Variants in AHCYL2 observed in about 807,000 individuals in gnomAD.
AHCYL2 encodes the protein adenosylhomocysteinase like 2, also known as S-adenosylhomocysteine hydrolase-like protein 2.
A neutral mutation model predicts 81.4 loss-of-function variants in AHCYL2; 28 were observed. The ratio of observed to expected loss-of-function variants is 0.34; its 90% CI spans 0.25 to 0.47. The LOEUF (loss-of-function observed/expected upper bound fraction) is 0.47. AHCYL2 is among the 20% of genes least tolerant of loss of function. The pLI is 1.00. For synonymous variants in AHCYL2, 272 were observed against 290.2 expected, an observed-to-expected ratio of 0.94 and a Z score of 0.64; for missense variants, 551 against 785.1, an observed-to-expected ratio of 0.70 and a Z score of 3.56.
At chr7:129,277,297 GAGA>G (rs1796254748) in intron 1 of AHCYL2, among the ~76,000 whole-genome samples, 1 of 81,494 alleles carries the variant, frequency 1.2e-5, no homozygotes, top group Non-Finnish European at 2.5e-5. Flanking sequence ...TTTTTTTTTT[GAGA>G]TAGAGTCTTG....
At chr7:129,344,226 A>G (rs1793284000) in intron 1 of AHCYL2, among the ~76,000 whole-genome samples, 1 of 152,154 alleles carries the variant, frequency 6.6e-6, no homozygotes, top group Admixed American at 6.5e-5. Context: ...TGACCCAGCA[A>G]TTTCACCCTT....
chr7:129,239,239 C>G (rs1239090928), intron 1 of AHCYL2, among the ~76,000 whole-genome samples: 1 of 152,104 alleles, frequency 6.6e-6, no homozygotes, highest in African/African-American at 2.4e-5. Flanking sequence ...TAGATCCTTG[C>G]TATTCAAACT....
intron 1 of AHCYL2, among the ~76,000 whole-genome samples, chr7:129,265,284 A>G (rs1380611191): frequency 6.6e-6 from 1 of 152,180 alleles, no homozygotes; most frequent in African/African-American, 2.4e-5. Flanking sequence ...GAAGGGGAAA[A>G]AGGCAAAAAG....
chr7:129,308,503 C>T (rs1797524079), intron 1 of AHCYL2, among the ~76,000 whole-genome samples: 1 of 152,178 alleles, frequency 6.6e-6, no homozygotes, highest in South Asian at 2.1e-4. Flanking sequence ...GTACCTCTTT[C>T]AGTGATATGT....
intron 1 of AHCYL2, among the ~76,000 whole-genome samples, chr7:129,300,435 G>A (rs1276045258): frequency 6.6e-6 from 1 of 152,028 alleles, no homozygotes; most frequent in East Asian, 1.9e-4. Context: ...TTAACATAAG[G>A]ATATCTACTT....
intron 4 of AHCYL2, among the ~76,000 whole-genome samples, chr7:129,396,358 C>T (rs1471038967): frequency 2.6e-5 from 4 of 152,062 alleles, no homozygotes; most frequent in Admixed American, 1.3e-4. Flanking sequence ...ATCTCCTGAC[C>T]TTGTGATCTG....
chr7:129,299,337 A>ATTCAG (rs1418852616), intron 1 of AHCYL2, among the ~76,000 whole-genome samples: 1 of 120,626 alleles, frequency 8.3e-6, no homozygotes, highest in Non-Finnish European at 1.7e-5. Flanking sequence ...AGTTTCAACT[A>ATTCAG]TTCAGGAGGC....
chr7:129,298,336 CTT>C (rs1797125859), intron 1 of AHCYL2, among the ~76,000 whole-genome samples: 1 of 152,164 alleles, frequency 6.6e-6, no homozygotes, highest in Admixed American at 6.5e-5. Context: ...GAGAAAATCA[CTT>C]TGTCTTATCT....
At chr7:129,295,571 C>T (rs1025224675) in intron 1 of AHCYL2, among the ~76,000 whole-genome samples, 4 of 152,162 alleles carry the variant, frequency 2.6e-5, no homozygotes, top group Non-Finnish European at 5.9e-5. Flanking sequence ...TGTTAGTGAG[C>T]TGACTCAAGT....
intron 1 of AHCYL2, among the ~76,000 whole-genome samples, chr7:129,247,047 C>T (rs1013052524): frequency 8.5e-5 from 13 of 152,104 alleles, no homozygotes; most frequent in Non-Finnish European, 1.6e-4. Context: ...AATCTTTTGG[C>T]AGACATATAT....
At chr7:129,342,977 C>T (rs1482022332) in intron 1 of AHCYL2, among the ~76,000 whole-genome samples, 1 of 152,076 alleles carries the variant, frequency 6.6e-6, no homozygotes, top group African/African-American at 2.4e-5. Context: ...TTTCTCTTTT[C>T]CTTTGGCCTC....
chr7:129,366,577 T>G, intron 1 of AHCYL2, among the ~76,000 whole-genome samples: 1 of 150,800 alleles, frequency 6.6e-6, no homozygotes, highest in South Asian at 2.1e-4. Context: ...AGGTCAGGAG[T>G]TTGAGACCAG....
rs917447376 is a variant in AHCYL2 at position 129,327,118 on chromosome 7, A to T, written c.364-52520A>T. On this transcript the variant is annotated intron_variant, in intron 1 of 16. Transcript: ENST00000325006. ...TGTTCCTCCCAAATTCATATGTTGA[A>T]GCCCTAATTCCCAGTGTGATGGTAT... Among the ~76,000 whole-genome samples, 5 of 152,196 alleles carry T rather than the reference A, an allele frequency of 3.3e-5. No individual in the cohort carries two copies. The South Asian group carries it at 1.0e-3, about 32-fold the overall frequency.
intron 1 of AHCYL2, among the ~76,000 whole-genome samples, chr7:129,344,180 AAC>A (rs1292273723): frequency 7.2e-5 from 11 of 152,168 alleles, no homozygotes; most frequent in African/African-American, 2.2e-4. Context: ...GCTGGTGTGA[AAC>A]AGTTTATTAT....
At chr7:129,259,904 C>T (rs1311327052) in intron 1 of AHCYL2, among the ~76,000 whole-genome samples, 1 of 152,096 alleles carries the variant, frequency 6.6e-6, no homozygotes, top group African/African-American at 2.4e-5. Context: ...TGGTGAAACC[C>T]TGTCTTTGCT....
intron 4 of AHCYL2, among the ~76,000 whole-genome samples, chr7:129,395,373 G>T (rs1320000680): frequency 6.6e-6 from 1 of 152,216 alleles, no homozygotes; most frequent in South Asian, 2.1e-4. Flanking sequence ...GCAGACCTCT[G>T]TGAGGGGCAG....
At chr7:129,379,243 G>A (rs979258320) in intron 1 of AHCYL2, among the ~76,000 whole-genome samples, 1 of 149,364 alleles carries the variant, frequency 6.7e-6, no homozygotes, top group African/African-American at 2.5e-5. Flanking sequence ...TCGTGCCACC[G>A]CACTGCAGCC....
chr7:129,245,080 A>C (rs1299883385), intron 1 of AHCYL2, among the ~76,000 whole-genome samples: 1 of 142,742 alleles, frequency 7.0e-6, no homozygotes, highest in African/African-American at 2.6e-5. Context: ...GCTGGAGTGC[A>C]GTGGCACAGT....
At chr7:129,390,733 CAA>C (rs1795427228) in intron 4 of AHCYL2, among the ~76,000 whole-genome samples, 2 of 152,126 alleles carry the variant, frequency 1.3e-5, no homozygotes, top group African/African-American at 2.4e-5. Context: ...CTTCCTCACT[CAA>C]GAGAAGTCCC....
Sources: allele counts gnomAD v4.1 joint callset (sites outside exome capture counted in the v4.1 genomes callset), GRCh38; gene constraint gnomAD v4.1.1; transcripts MANE v1.5; gene names NCBI Gene and HGNC (gene_info 2026-07-23, HGNC 2026-07-21).